Variants in MCOLN3 observed in about 807,000 individuals in gnomAD.
The protein encoded by MCOLN3 is mucolipin TRP cation channel 3.
MCOLN3 carries 62 observed loss-of-function variants against 69.4 expected under a neutral mutation model. The ratio of observed to expected loss-of-function variants is 0.89; its 90% CI spans 0.73 to 1.10. MCOLN3 has a LOEUF of 1.10. MCOLN3 is among the 50% of genes least tolerant of loss of function. The pLI, the probability that MCOLN3 is intolerant of heterozygous loss-of-function variation, is 0.00. For synonymous variants in MCOLN3, 183 were observed against 217.0 expected, an observed-to-expected ratio of 0.84 and a Z score of 1.38; for missense variants, 564 against 656.4, an observed-to-expected ratio of 0.86 and a Z score of 1.54.
intron 9 of MCOLN3, 71 bp from the exon 10 acceptor site, chr1:85,022,471 G>C (rs2039814): frequency 0.98 from 1,044,033 of 1,069,642 alleles, 510,053 homozygotes; most frequent in East Asian, 1. Context: ...ATTGAGGTAA[G>C]TATGAGTAAG....
At chr1:85,046,314 G>A (rs202022338) in intron 1 of MCOLN3, among the ~76,000 whole-genome samples, 5,622 of 151,996 alleles carry the variant, frequency 0.037, 198 homozygotes, top group East Asian at 0.19. Context: ...TTTGGGGGGG[G>A]GGGCAGGTAC....
chr1:85,045,227 A>G lies in MCOLN3; in HGVS notation c.134T>C (p.Phe45Ser). The part of the protein sequence containing the change: ...EDQMRRKLKF[F>S]FMNPCEKFWA... ...GAACTTCTCACAGGGATTCATGAAA[A>G]AAAATTTGAGTTTTCGCCTCATCTG... Residue 45 changes from phenylalanine to serine, a missense_variant, in exon 2 of 13, where the codon TTT becomes TCT. Phe to Ser is a radical substitution (Grantham distance 155). Transcript: ENST00000370589. The G allele has an allele frequency of 1.2e-6, 2 of 1,614,096 alleles. No individual in the cohort carries two copies. Among genetic ancestry groups the G allele is most frequent in the Non-Finnish European group, 1.7e-6 (2 of 1,180,006 alleles).
At position 85,041,092 on chromosome 1, in the gene MCOLN3, C is replaced by T; in HGVS notation, c.314G>A (p.Gly105Glu). The change falls in exon 3 of 13, where the codon GGA becomes GAA. Residue 105 changes from glycine to glutamate, a missense_variant. Coordinates refer to ENST00000370589, the MANE Select transcript of MCOLN3 (RefSeq NM_018298.11). The stretch of plus-strand genomic sequence containing the variant: ...TGTGTCATCCATTCGGTCCATATAT[C>T]CTTTTAGGAAAAGGTGTTTGAATGC... ...TIAFKHLFLK[G>E]YMDRMDDTYA... is the part of the protein sequence containing the mutation. 6.2e-7 allele frequency: 1 copy of T among 1,613,976 alleles called. No homozygotes were observed. Among genetic ancestry groups the T allele is most frequent in the Non-Finnish European group, 8.5e-7 (1 of 1,179,954 alleles).
chr1:85,034,883 G>A (rs1003362404), intron 3 of MCOLN3, among the ~76,000 whole-genome samples: 1 of 152,180 alleles, frequency 6.6e-6, no homozygotes, highest in Non-Finnish European at 1.5e-5. Context: ...AAAACAAAGT[G>A]TTTTTGGAGC....
chr1:85,042,510 G>T (rs1653121605), intron 2 of MCOLN3, among the ~76,000 whole-genome samples: 1 of 152,174 alleles, frequency 6.6e-6, no homozygotes, highest in Admixed American at 6.5e-5. Flanking sequence ...TGAAGCTGAT[G>T]ACCAAACAGC....
chr1:85,034,062 T>TAAA, intron 4 of MCOLN3, 36 bp downstream of exon 4: 1 of 1,602,340 alleles, frequency 6.2e-7, no homozygotes, highest in South Asian at 1.1e-5. Flanking sequence ...ATTGAGGTGT[T>TAAA]AAAAATTGAG....
chr1:85,022,536 C>A, intron 9 of MCOLN3, 136 bp from the exon 10 acceptor site: 1 of 595,854 alleles, frequency 1.7e-6, no homozygotes, highest in Non-Finnish European at 3.0e-6. Flanking sequence ...TCTCTGCTCT[C>A]ATAAAGCTTA....
At chr1:85,043,841 CTTT>C (rs550836893) in intron 2 of MCOLN3, among the ~76,000 whole-genome samples, 7 of 142,176 alleles carry the variant, frequency 4.9e-5, no homozygotes, top group Admixed American at 1.4e-4. Context: ...AGCCATGTGA[CTTT>C]TTTTTTTTTT....
chr1:85,032,869 C>T lies in MCOLN3; in HGVS notation c.635+3G>A. The T allele has an allele frequency of 6.2e-7, 1 of 1,614,196 alleles. No individual in the cohort carries two copies. Among genetic ancestry groups the T allele is most frequent in the East Asian group, 2.2e-5 (1 of 44,890 alleles). On this transcript the variant is annotated splice_donor_region_variant and intron_variant, in intron 5 of 12. Transcript: ENST00000370589. ...AAGTTACACTCCTGTCTGCTCCCCT[C>T]ACCTGTGGAAGTCCAGTGTTAAGTT...
intron 11 of MCOLN3, 41 bp from the exon 12 acceptor site, chr1:85,021,317 C>A (rs1256746866): frequency 6.6e-7 from 1 of 1,524,438 alleles, no homozygotes. Context: ...ATTCCATGTT[C>A]CTTCCCATTG....
intron 7 of MCOLN3, among the ~76,000 whole-genome samples, chr1:85,027,571 C>T (rs1652285257): frequency 1.3e-5 from 2 of 152,164 alleles, no homozygotes; most frequent in Admixed American, 6.5e-5. Context: ...TCAGGTCCTA[C>T]TCCAGACCCA....
At position 85,026,263 on chromosome 1, in the gene MCOLN3, A is replaced by C. The variant is rs753634486; in HGVS notation, c.854T>G (p.Met285Arg). The change falls in exon 8 of 13, where the codon ATG becomes AGG. Residue 285 changes from methionine (M) to arginine (R), a missense_variant. By Grantham distance (91) the Met-to-Arg change is moderately conservative (BLOSUM62 -1). Coordinates refer to ENST00000370589, the MANE Select transcript of MCOLN3 (RefSeq NM_018298.11). ...SGSIQKNTHYMMIFDAFVILT... is the reference protein window; with the variant it reads ...SGSIQKNTHYRMIFDAFVILT... ...AATGACAAAGGCATCAAAGATCATCATGTAATGAGTGTTCTTCTGAACTGA... is the reference window on the plus strand; with the variant it reads ...AATGACAAAGGCATCAAAGATCATCCTGTAATGAGTGTTCTTCTGAACTGA... 1.9e-5 allele frequency: 30 copies of C among 1,613,600 alleles called. 1 individual carries two copies. In the Middle Eastern group the frequency reaches 1.3e-3, roughly 71 times the overall value.
intron 2 of MCOLN3, among the ~76,000 whole-genome samples, chr1:85,044,318 T>A (rs1347291224): frequency 2.6e-5 from 4 of 152,366 alleles, no homozygotes; most frequent in African/African-American, 7.2e-5. Context: ...CTGTTTTTTT[T>A]AATCTCTCCT....
chr1:85,044,824 G>A (rs1490006764), intron 2 of MCOLN3, among the ~76,000 whole-genome samples: 2 of 152,136 alleles, frequency 1.3e-5, no homozygotes, highest in Non-Finnish European at 2.9e-5. Flanking sequence ...AGTTTCCATG[G>A]CTTATTTAGA....
chr1:85,043,787 T>C (rs1653199420), intron 2 of MCOLN3, among the ~76,000 whole-genome samples: 3 of 151,888 alleles, frequency 2.0e-5, no homozygotes, highest in African/African-American at 7.3e-5. Context: ...GGTAATATAA[T>C]AGAGAGAATG....
chr1:85,031,867 T>C (rs940044388), intron 6 of MCOLN3, among the ~76,000 whole-genome samples: 3 of 151,668 alleles, frequency 2.0e-5, no homozygotes, highest in African/African-American at 7.3e-5. Context: ...AGTCAGAAGA[T>C]CGAGACCATC....
At chr1:85,046,959 G>A (rs565911771) in intron 1 of MCOLN3, among the ~76,000 whole-genome samples, 4 of 152,242 alleles carry the variant, frequency 2.6e-5, no homozygotes, top group Admixed American at 2.6e-4. Context: ...TAATAAATTA[G>A]GATTTTCACT....
At chr1:85,033,706 T>C (rs564547161) in intron 4 of MCOLN3, among the ~76,000 whole-genome samples, 6 of 152,246 alleles carry the variant, frequency 3.9e-5, no homozygotes, top group African/African-American at 1.4e-4. Flanking sequence ...CATAATGTTT[T>C]ACAAACATTA....
Position 85,021,181 on chromosome 1 carries a change from G to A in MCOLN3, c.1416C>T (p.Tyr472=). ...ATFAKMQQKS[Y]LVWLFSRIYL... ...AAATTCTACTAAACAGCCAGACTAAGTAACTTTTTTGCTGCATTTTTGCAA... is the reference window on the plus strand; with the variant it reads ...AAATTCTACTAAACAGCCAGACTAAATAACTTTTTTGCTGCATTTTTGCAA... The change falls in exon 12 of 13, where the codon TAC becomes TAT. Residue 472 remains tyrosine (Y), a synonymous_variant. Transcript: ENST00000370589. 1 of 1,613,808 alleles carries A rather than the reference G, an allele frequency of 6.2e-7. No homozygotes were observed. Among genetic ancestry groups the A allele is most frequent in the African/African-American group, 1.3e-5 (1 of 75,028 alleles).
Sources: gnomAD v4.1 joint callset for allele counts (sites outside exome capture counted in the v4.1 genomes callset) on GRCh38, gnomAD v4.1.1 for gene constraint, MANE v1.5 for transcripts, NCBI Gene and HGNC (gene_info 2026-07-23, HGNC 2026-07-21) for gene names.